Variants in CYTH3 observed in about 807,000 individuals in gnomAD.
CYTH3 encodes cytohesin 3.
Under a neutral mutation model 55.1 loss-of-function variants are expected in CYTH3, and 23 were observed. That is an observed-to-expected ratio of 0.42 (90% CI 0.30 to 0.59). The LOEUF is 0.59. Ranked by LOEUF, CYTH3 falls within the 20% of genes least tolerant of loss-of-function variation. CYTH3 has a pLI of 0.20. For missense variants in CYTH3, 413 were observed against 524.8 expected (o/e 0.79, Z 2.08); for synonymous variants, 249 against 194.9 (o/e 1.28, Z -2.31).
chr7:6,201,612 G>A (rs1425752261), intron 1 of CYTH3, among the ~76,000 whole-genome samples: 1 of 152,120 alleles, frequency 6.6e-6, no homozygotes, highest in Non-Finnish European at 1.5e-5. Context: ...ATGAGCACTG[G>A]TTTCCATAAG....
intron 1 of CYTH3, among the ~76,000 whole-genome samples, chr7:6,219,297 G>C (rs1424235768): frequency 6.6e-6 from 1 of 152,198 alleles, no homozygotes; most frequent in Non-Finnish European, 1.5e-5. Context: ...TCCAAGCAGA[G>C]TGTTAAAGGT....
chr7:6,258,270 G>C (rs1780183124), intron 1 of CYTH3, among the ~76,000 whole-genome samples: 1 of 150,646 alleles, frequency 6.6e-6, no homozygotes, highest in African/African-American at 2.5e-5. Flanking sequence ...CCATGATCAT[G>C]CCACTGCACT....
In CYTH3 at chr7:6,246,160, G is replaced by A. The variant is rs993764211; in HGVS notation, c.34+26314C>T. 2.6e-5 allele frequency among the ~76,000 whole-genome samples: 4 copies of A among 151,440 alleles called. No homozygotes were observed. In the East Asian group the frequency reaches 5.8e-4, roughly 22 times the overall value. ...CAGAGACATGATCACAGCTCACTGC[G>A]GCCTCAAACTCTTGAGCTCAAGTAA... On this transcript the variant is annotated intron_variant, in intron 1 of 12. Transcript: ENST00000350796.
intron 1 of CYTH3, among the ~76,000 whole-genome samples, chr7:6,198,374 G>A (rs1384390009): frequency 7.0e-6 from 1 of 142,258 alleles, no homozygotes; most frequent in East Asian, 2.9e-4. Context: ...CAGCTGTTTA[G>A]TGACGTTCTA....
At chr7:6,178,567 A>G (rs1783403965) in intron 4 of CYTH3, among the ~76,000 whole-genome samples, 1 of 152,240 alleles carries the variant, frequency 6.6e-6, no homozygotes, top group African/African-American at 2.4e-5. Flanking sequence ...TGTGATGACC[A>G]GAGCCACAGT....
intron 1 of CYTH3, among the ~76,000 whole-genome samples, chr7:6,238,184 G>C (rs1217133415): frequency 6.6e-6 from 1 of 152,176 alleles, no homozygotes; most frequent in Non-Finnish European, 1.5e-5. Context: ...ACTATTTTAA[G>C]AGTTAGATGT....
chr7:6,193,552 C>G (rs200153324), intron 1 of CYTH3, among the ~76,000 whole-genome samples: 1 of 152,176 alleles, frequency 6.6e-6, no homozygotes, highest in East Asian at 1.9e-4. Context: ...CATGGAAAAG[C>G]AAACTTTGAA....
intron 1 of CYTH3, among the ~76,000 whole-genome samples, chr7:6,200,969 C>T (rs1784047660): frequency 6.6e-6 from 1 of 152,116 alleles, no homozygotes; most frequent in African/African-American, 2.4e-5. Context: ...TGTTGTTGTC[C>T]AGGCTAGTCT....
chr7:6,232,131 T>C (rs191847740), intron 1 of CYTH3, among the ~76,000 whole-genome samples: 75 of 152,314 alleles, frequency 4.9e-4, no homozygotes, highest in African/African-American at 1.5e-3. Flanking sequence ...ACTAGACCCA[T>C]TGCCAATCCC....
At chr7:6,255,976 G>C (rs1157219850) in intron 1 of CYTH3, among the ~76,000 whole-genome samples, 1 of 151,974 alleles carries the variant, frequency 6.6e-6, no homozygotes, top group Non-Finnish European at 1.5e-5. Flanking sequence ...TGTTAGCCAG[G>C]ATGGTCTCGA....
chr7:6,272,123 T>C (rs1236041527), intron 1 of CYTH3, among the ~76,000 whole-genome samples: 1 of 152,138 alleles, frequency 6.6e-6, no homozygotes. Flanking sequence ...ATGAACGCCC[T>C]TGGCGACAAG....
Position 6,195,504 on chromosome 7 carries a change from G to A in CYTH3, c.35-4973C>T, listed in dbSNP as rs568448876. ...GCGTCTCACTCTCTCACCCAGGCTG[G>A]AGTACAATGGCACGATCTGGGCTCA... On this transcript the variant is annotated intron_variant, in intron 1 of 12. Transcript: ENST00000350796. 7.9e-5 allele frequency among the ~76,000 whole-genome samples: 12 copies of A among 151,990 alleles called. No homozygotes were observed. The East Asian group carries it at 1.5e-3, about 20-fold the overall frequency.
Position 6,170,565 on chromosome 7 carries a change from G to C in CYTH3, c.793C>G (p.Pro265Ala). 1 of 1,614,010 alleles carries C rather than the reference G, an allele frequency of 6.2e-7. No individual in the cohort carries two copies. Among genetic ancestry groups the C allele is most frequent in the Non-Finnish European group, 8.5e-7 (1 of 1,179,894 alleles). ...GNDLTHTFFN[P>A]DREGWLLKLG... ...TTCAGGAGCCAGCCCTCGCGGTCGG[G>C]GTTGAAGAAGGTGTGGGTCAGGTCG... Residue 265 changes from proline (P) to alanine (A), a missense_variant, in exon 9 of 13, where the codon CCC (proline) becomes GCC (alanine). Physicochemically the swap from Pro to Ala is conservative, Grantham distance 27. Coordinates refer to ENST00000350796, the MANE Select transcript of CYTH3 (RefSeq NM_004227.4). The surrounding 1 kb of genome is among the most constrained non-coding windows in gnomAD (Gnocchi z 7.8).
chr7:6,187,623 T>TA, intron 3 of CYTH3, 34 bp downstream of exon 3: 1 of 1,576,774 alleles, frequency 6.3e-7, no homozygotes, highest in Non-Finnish European at 8.7e-7. Flanking sequence ...AAGAAAAGAG[T>TA]AAATAGCTTA....
intron 1 of CYTH3, among the ~76,000 whole-genome samples, chr7:6,241,356 A>G (rs914013344): frequency 6.6e-6 from 1 of 152,218 alleles, no homozygotes; most frequent in Admixed American, 6.5e-5. Context: ...AGCAAATGCA[A>G]ACTAAACGGA....
chr7:6,196,456 CTT>C (rs5882084), intron 1 of CYTH3, among the ~76,000 whole-genome samples: 12,283 of 113,930 alleles, frequency 0.11, 1,074 homozygotes, highest in African/African-American at 0.32. Flanking sequence ...TTCTTTTTTT[CTT>C]TTTTTTTTTT....
intron 1 of CYTH3, among the ~76,000 whole-genome samples, chr7:6,268,459 C>T (rs892087386): frequency 1.3e-5 from 2 of 152,188 alleles, no homozygotes; most frequent in Non-Finnish European, 2.9e-5. Flanking sequence ...TGAGAGCCGC[C>T]GCGCCCGGCC....
chr7:6,227,792 A>G (rs1370065498), intron 1 of CYTH3, among the ~76,000 whole-genome samples: 1 of 152,230 alleles, frequency 6.6e-6, no homozygotes, highest in African/African-American at 2.4e-5. Context: ...CATAAACTTT[A>G]TTGAGAATGT....
chr7:6,215,176 G>A (rs1784398950), intron 1 of CYTH3, among the ~76,000 whole-genome samples: 1 of 152,170 alleles, frequency 6.6e-6, no homozygotes, highest in Non-Finnish European at 1.5e-5. Flanking sequence ...AATCGCAGCT[G>A]AGTAACACCA....
Sources: gnomAD v4.1 joint callset for allele counts (sites outside exome capture counted in the v4.1 genomes callset) on GRCh38, gnomAD v4.1.1 for gene constraint, Gnocchi (gnomAD v3.1) non-coding constraint, MANE v1.5 for transcripts, NCBI Gene and HGNC (gene_info 2026-07-23, HGNC 2026-07-21) for gene names.